The following BNC2 variants were observed in gnomAD, a reference collection of about 807,000 sequenced individuals.
The protein encoded by BNC2 is zinc finger protein basonuclin-2.
BNC2 carries 20 observed loss-of-function variants against 76.3 expected under a neutral mutation model. That is an observed-to-expected ratio of 0.26 (90% CI 0.18 to 0.38). The LOEUF is 0.38. BNC2 is among the 10% of genes least tolerant of loss of function. The pLI is 1.00. For synonymous variants in BNC2, 582 were observed against 514.8 expected (o/e 1.13, Z -1.77); for missense variants, 1,382 against 1,399.8 (o/e 0.99, Z 0.20).
intron 1 of BNC2, among the ~76,000 whole-genome samples, chr9:16,793,034 T>C (rs1817555555): frequency 6.6e-6 from 1 of 152,236 alleles, no homozygotes; most frequent in Non-Finnish European, 1.5e-5. Flanking sequence ...GTCCTAATTA[T>C]AATTCATCTT....
Position 16,416,776 on chromosome 9 carries a change from G to C in BNC2, c.*2213C>G, listed in dbSNP as rs1465563035. On this transcript the variant is annotated 3_prime_UTR_variant, in exon 7 of 7. Transcript: ENST00000380672. ...GCTAGCTTATCTTTAAGAATCTATT[G>C]TTTCTGAAATTTTCACAACAAAAAT... is the stretch of plus-strand genomic sequence containing the variant. 7.9e-5 allele frequency: 12 copies of C among 152,540 alleles called. No homozygotes were observed. The allele number at this position is 152,540 out of a possible 1,614,324, so 9.4% of individuals were successfully genotyped here.
intron 1 of BNC2, among the ~76,000 whole-genome samples, chr9:16,865,494 A>G (rs962166207): frequency 6.6e-6 from 1 of 152,196 alleles, no homozygotes; most frequent in Admixed American, 6.5e-5. Context: ...TGTAATTGTA[A>G]GTGATTGCAA....
intron 1 of BNC2, among the ~76,000 whole-genome samples, chr9:16,817,876 C>A (rs1401429261): frequency 6.6e-6 from 1 of 152,068 alleles, no homozygotes; most frequent in African/African-American, 2.4e-5. Context: ...GTTTTAGGGT[C>A]AGGGATTGAA....
intron 5 of BNC2, among the ~76,000 whole-genome samples, chr9:16,455,793 CAAA>C (rs34195206): frequency 7.1e-6 from 1 of 141,588 alleles, no homozygotes; most frequent in African/African-American, 2.5e-5. Flanking sequence ...ACTCCATCTC[CAAA>C]AAAAAAAAAA....
intron 3 of BNC2, among the ~76,000 whole-genome samples, chr9:16,670,067 C>A (rs1822429460): frequency 6.6e-6 from 1 of 152,140 alleles, no homozygotes; most frequent in South Asian, 2.1e-4. Flanking sequence ...GTACTGAAAG[C>A]ATGCATAATG....
chr9:16,738,067 A>G (rs1037670279), intron 2 of BNC2, among the ~76,000 whole-genome samples: 2 of 152,202 alleles, frequency 1.3e-5, no homozygotes, highest in Non-Finnish European at 2.9e-5. Flanking sequence ...GGAAAGAAAG[A>G]ATAGAAAAAG....
chr9:16,584,407 A>G (rs1400068788), intron 3 of BNC2, among the ~76,000 whole-genome samples: 2 of 152,186 alleles, frequency 1.3e-5, no homozygotes, highest in Non-Finnish European at 2.9e-5. Flanking sequence ...ACCATTCCCT[A>G]TGCTTTAGAT....
chr9:16,685,647 G>T, intron 3 of BNC2: 4 of 1,295,114 alleles, frequency 3.1e-6, no homozygotes, highest in Non-Finnish European at 3.1e-6. Context: ...ATACAGCCAC[G>T]TTAGATGCTG....
At chr9:16,586,590 A>C (rs1432197442) in intron 3 of BNC2, among the ~76,000 whole-genome samples, 1 of 100,224 alleles carries the variant, frequency 1.0e-5, no homozygotes, top group Non-Finnish European at 2.1e-5. Context: ...TTCTGGCATC[A>C]ACTGCTCTCT....
intron 1 of BNC2, among the ~76,000 whole-genome samples, chr9:16,752,844 T>A (rs1418387048): frequency 6.6e-6 from 1 of 152,188 alleles, no homozygotes; most frequent in Admixed American, 6.5e-5. Context: ...TATTAGCCAG[T>A]AAGTTTTGAA....
In BNC2 at chr9:16,415,543, C is replaced by G. The variant is rs1208815772; in HGVS notation, c.*3446G>C. On this transcript the variant is annotated 3_prime_UTR_variant, in exon 7 of 7. Coordinates refer to ENST00000380672, the MANE Select transcript of BNC2 (RefSeq NM_017637.6). ...AGAGAAACTGTTTAACAACAAAAAA[C>G]TCCTATGAAAAAGCAAATGAGTAGG... The G allele has an allele frequency of 6.6e-6, 1 of 152,384 alleles. No individual in the cohort carries two copies. Among genetic ancestry groups the G allele is most frequent in the Non-Finnish European group, 1.5e-5 (1 of 68,028 alleles). The allele number at this position is 152,384 out of a possible 1,614,324, so 9.4% of individuals were successfully genotyped here. A position where few individuals can be genotyped will look rare whatever the true frequency, so the allele number is the denominator to read the frequency against.
At chr9:16,843,219 T>A (rs1167664432) in intron 1 of BNC2, among the ~76,000 whole-genome samples, 1 of 152,216 alleles carries the variant, frequency 6.6e-6, no homozygotes, top group African/African-American at 2.4e-5. Flanking sequence ...AATTCAGGTC[T>A]TTACAACTCC....
intron 1 of BNC2, among the ~76,000 whole-genome samples, chr9:16,868,900 G>C (rs1168980474): frequency 1.3e-5 from 2 of 152,208 alleles, no homozygotes; most frequent in African/African-American, 4.8e-5. Context: ...TAACGTGCCA[G>C]AAATAAATTC....
In BNC2 at chr9:16,419,222, G is replaced by C. The variant is rs1587005926; in HGVS notation, c.3067C>G (p.Leu1023Val). The change falls in exon 7 of 7, where the codon CTT (leucine) becomes GTT (valine). Residue 1023 changes from leucine to valine, a missense_variant. Transcript: ENST00000380672. ...GSLGAEVSGS[L>V]MFSSLSGSNG... ...CTCCCAGACAAGCTGCTGAACATAA[G>C]AGATCCTGAAACTTCAGCCCCTAGG... 6.2e-7 allele frequency: 1 copy of C among 1,614,094 alleles called. No individual in the cohort carries two copies. The highest frequency in any genetic ancestry group is 1.3e-5 in the African/African-American group (1 of 74,934).
Position 16,682,911 on chromosome 9 carries a change from G to A in BNC2, c.330+44886C>T, listed in dbSNP as rs999782136. 3.2e-4 allele frequency among the ~76,000 whole-genome samples: 48 copies of A among 152,168 alleles called. 2 individuals are homozygous for A. The highest frequency in any genetic ancestry group is 1.5e-5 in the Non-Finnish European group (1 of 68,032). On this transcript the variant is annotated intron_variant, in intron 3 of 6. Transcript: ENST00000380672. Reference sequence around the variant, plus strand: ...AGTAAAATATCAGCAATTAAGGAGAGTCTAAATTAGAATAACCATTTCTTA... The same window carrying A: ...AGTAAAATATCAGCAATTAAGGAGAATCTAAATTAGAATAACCATTTCTTA...
intron 4 of BNC2, 120 bp downstream of exon 4, chr9:16,582,863 C>G (rs1314907769): frequency 3.7e-6 from 3 of 811,084 alleles, no homozygotes; most frequent in African/African-American, 1.7e-5. Flanking sequence ...TGACCTCTCT[C>G]TTCTCCAGGC....
chr9:16,673,441 A>ACAC (rs1262480016), intron 3 of BNC2, among the ~76,000 whole-genome samples: 7 of 145,556 alleles, frequency 4.8e-5, no homozygotes, highest in African/African-American at 7.6e-5. Flanking sequence ...AAAAAAAAAA[A>ACAC]AAACACACAC....
rs186053651 is a variant in BNC2, at chr9:16,526,321, C to G, written c.669+26209G>C. ...CTTACACCCAGTGAGATAAGGATAA[C>G]AAAGATCGTTTACGAGGTAAATTCC... On this transcript the variant is annotated intron_variant, in intron 5 of 6. Coordinates refer to ENST00000380672, the MANE Select transcript of BNC2 (RefSeq NM_017637.6). 3.7e-4 allele frequency among the ~76,000 whole-genome samples: 57 copies of G among 152,190 alleles called. No homozygotes were observed. The East Asian group carries it at 0.011, about 28-fold the overall frequency.
chr9:16,739,893 T>C (rs762936209), intron 1 of BNC2, among the ~76,000 whole-genome samples: 8 of 152,150 alleles, frequency 5.3e-5, no homozygotes, highest in Non-Finnish European at 7.3e-5. Context: ...TGAGAATATA[T>C]AGCAAGTTTA....
Sources: gnomAD v4.1 joint callset for allele counts (sites outside exome capture counted in the v4.1 genomes callset) on GRCh38, gnomAD v4.1.1 for gene constraint, MANE v1.5 for transcripts, NCBI Gene and HGNC (gene_info 2026-07-23, HGNC 2026-07-21) for gene names.